Variants in FOXN3 observed in about 807,000 individuals in gnomAD.
FOXN3 encodes forkhead box N3.
In FOXN3, 7 loss-of-function variants were observed where a neutral mutation model predicts 38.4. The observed-to-expected ratio is 0.18, with a 90% CI of 0.10 to 0.34. The LOEUF is 0.34. Ranked by LOEUF, FOXN3 falls within the 10% of genes least tolerant of loss-of-function variation. The pLI is 1.00. For synonymous variants in FOXN3, 230 were observed against 242.2 expected (o/e 0.95, Z 0.47); for missense variants, 456 against 613.4 (o/e 0.74, Z 2.71).
chr14:89,327,302 C>T (rs933951152), intron 3 of FOXN3, among the ~76,000 whole-genome samples: 4 of 152,218 alleles, frequency 2.6e-5, no homozygotes, highest in African/African-American at 9.7e-5. Context: ...TTAACGACTA[C>T]AGATCTTATC....
At chr14:89,505,730 C>A (rs1168149093) in intron 1 of FOXN3, among the ~76,000 whole-genome samples, 1 of 152,010 alleles carries the variant, frequency 6.6e-6, no homozygotes, top group East Asian at 2.0e-4. Flanking sequence ...CTCTGCCTGG[C>A]CGCCCATCGT....
At chr14:89,427,409 G>A (rs1421797408) in intron 1 of FOXN3, among the ~76,000 whole-genome samples, 11 of 138,524 alleles carry the variant, frequency 7.9e-5, no homozygotes, top group African/African-American at 1.9e-4. Context: ...GGGTTCAAGC[G>A]ATTCTCCTGC....
intron 1 of FOXN3, among the ~76,000 whole-genome samples, chr14:89,487,954 C>G (rs1041235422): frequency 1.3e-5 from 2 of 152,014 alleles, no homozygotes; most frequent in Non-Finnish European, 2.9e-5. Flanking sequence ...AGCGAAGGCC[C>G]GGAGGTTGGA....
Position 89,157,410 on chromosome 14 carries a change from C to A in FOXN3, c.*5004G>T, listed in dbSNP as rs1887005318. ...GAGTCTGTGCTTAATTCAAGAATAACCAGTAGGAGAGAGAGAAAACACAAG... is the reference window on the plus strand; with the variant it reads ...GAGTCTGTGCTTAATTCAAGAATAAACAGTAGGAGAGAGAGAAAACACAAG... On this transcript the variant is annotated 3_prime_UTR_variant, in exon 6 of 6. Coordinates refer to ENST00000557258, the MANE Select transcript of FOXN3 (RefSeq NM_005197.4). 6.6e-6 allele frequency: 1 copy of A among 152,578 alleles called. No individual in the cohort carries two copies. Among genetic ancestry groups the A allele is most frequent in the Non-Finnish European group, 1.5e-5 (1 of 68,040 alleles). The allele number at this position is 152,578 out of a possible 1,614,324, so 9.5% of individuals were successfully genotyped here.
chr14:89,325,366 ACCACCG>A (rs1888048033), intron 3 of FOXN3, among the ~76,000 whole-genome samples: 15 of 138,352 alleles, frequency 1.1e-4, no homozygotes, highest in East Asian at 2.2e-4. Flanking sequence ...CACCACTACC[ACCACCG>A]CCACCACCAC....
At chr14:89,532,062 C>T (rs1596309388) in intron 1 of FOXN3, among the ~76,000 whole-genome samples, 1 of 152,166 alleles carries the variant, frequency 6.6e-6, no homozygotes, top group Admixed American at 6.5e-5. Flanking sequence ...GTGTTGTGGC[C>T]CTTCCCCAGA....
chr14:89,523,762 T>C (rs1276452646), intron 1 of FOXN3, among the ~76,000 whole-genome samples: 2 of 127,996 alleles, frequency 1.6e-5, no homozygotes, highest in African/African-American at 5.6e-5. Flanking sequence ...AATTTCTTCC[T>C]TTCTTTATGT....
intron 1 of FOXN3, among the ~76,000 whole-genome samples, chr14:89,462,690 T>C (rs1437532501): frequency 6.7e-6 from 1 of 150,068 alleles, no homozygotes; most frequent in East Asian, 2.0e-4. Context: ...TCTTCTTCTT[T>C]TTTTTTTTTT....
intron 1 of FOXN3, among the ~76,000 whole-genome samples, chr14:89,604,721 A>T (rs758451812): frequency 3.9e-5 from 6 of 152,232 alleles, no homozygotes; most frequent in Admixed American, 1.3e-4. Flanking sequence ...ATAAGTTGAC[A>T]TCTGAACACT....
At chr14:89,267,024 G>T (rs947143670) in intron 4 of FOXN3, among the ~76,000 whole-genome samples, 22 of 152,170 alleles carry the variant, frequency 1.4e-4, no homozygotes, top group Non-Finnish European at 3.2e-4. Context: ...GATGAAGCAG[G>T]ATGCGGGGAG....
chr14:89,256,791 T>C (rs956297396), intron 4 of FOXN3, among the ~76,000 whole-genome samples: 6 of 152,242 alleles, frequency 3.9e-5, no homozygotes, highest in Admixed American at 3.9e-4. Context: ...TTTAGCTTTA[T>C]TGATTTCTAT....
chr14:89,311,549 G>A (rs1015339978), intron 3 of FOXN3, among the ~76,000 whole-genome samples: 11 of 149,770 alleles, frequency 7.3e-5, no homozygotes, highest in South Asian at 2.1e-4. Context: ...ACCTGTGGCC[G>A]GGTGCAGTGG....
At chr14:89,290,845 A>C in intron 3 of FOXN3, 1 of 281,682 alleles carries the variant, frequency 3.6e-6, no homozygotes, top group South Asian at 3.5e-5. Context: ...AATAAAGCTG[A>C]GCATGAAGGA....
At chr14:89,201,794 C>T (rs1196544110) in intron 4 of FOXN3, among the ~76,000 whole-genome samples, 2 of 152,184 alleles carry the variant, frequency 1.3e-5, no homozygotes, top group African/African-American at 4.8e-5. Flanking sequence ...ATAGCTCCTG[C>T]CCAGTTCCCA....
intron 4 of FOXN3, among the ~76,000 whole-genome samples, chr14:89,258,228 C>T (rs1009416684): frequency 6.6e-6 from 1 of 152,148 alleles, no homozygotes; most frequent in East Asian, 1.9e-4. Flanking sequence ...AGCCTCCCAC[C>T]TCCCTTAGTT....
chr14:89,377,020 CAAAAAAAAAAAAAAAAAAA>C (rs59105357), intron 2 of FOXN3, among the ~76,000 whole-genome samples: 21 of 42,780 alleles, frequency 4.9e-4, no homozygotes, highest in African/African-American at 1.1e-3. Flanking sequence ...GACTCTGTCT[CAAAAAAAAAAAAAAAAAAA>C]AAAAAAAAAA....
chr14:89,425,062 C>CTTTT lies in FOXN3; in HGVS notation c.-14-12576_-14-12573dup, dbSNP rs3994032. Among the ~76,000 whole-genome samples the CTTTT allele has an allele frequency of 1.7e-3, 175 of 104,172 alleles. 2 individuals are homozygous for CTTTT. Among genetic ancestry groups the CTTTT allele is most frequent in the East Asian group, 2.0e-3 (7 of 3,552 alleles). The allele number at this position is 104,172 out of a possible 152,430, so 68.3% of individuals were successfully genotyped here. On this transcript the variant is annotated intron_variant, in intron 1 of 6. Transcript: ENST00000345097. ...GTTGTGTTTTGTTTTGTTTTCTTTT[C>CTTTT]TTTTTTTTTTTTTTTTTTTTGAGAC...
At chr14:89,561,947 C>T (rs968839095) in intron 1 of FOXN3, among the ~76,000 whole-genome samples, 8 of 152,140 alleles carry the variant, frequency 5.3e-5, no homozygotes, top group South Asian at 2.1e-4. Context: ...GCGTCCATGC[C>T]GTTCTAGGCA....
At chr14:89,411,090 G>A (rs1891532509) in intron 2 of FOXN3, among the ~76,000 whole-genome samples, 1 of 152,120 alleles carries the variant, frequency 6.6e-6, no homozygotes, top group South Asian at 2.1e-4. Flanking sequence ...TGTCAGATCA[G>A]CGGTGGCATT....
Sources: allele counts gnomAD v4.1 joint callset (sites outside exome capture counted in the v4.1 genomes callset), GRCh38; gene constraint gnomAD v4.1.1; transcripts MANE v1.5; gene names NCBI Gene and HGNC (gene_info 2026-07-23, HGNC 2026-07-21).